The following PBX1 variants were observed in gnomAD, a reference collection of about 807,000 sequenced individuals.
The protein encoded by PBX1 is PBX homeobox 1.
Under a neutral mutation model 53.4 loss-of-function variants are expected in PBX1, and 6 were observed. The observed-to-expected ratio is 0.11, with a 90% CI of 0.06 to 0.22. The LOEUF is 0.22. Ranked by LOEUF, PBX1 falls within the 10% of genes least tolerant of loss-of-function variation. PBX1 has a pLI of 1.00. For missense variants in PBX1, 251 were observed against 551.4 expected (o/e 0.46, Z 5.46); for synonymous variants, 204 against 212.3 (o/e 0.96, Z 0.34).
At chr1:164,721,211 G>A (rs573793633) in intron 2 of PBX1, among the ~76,000 whole-genome samples, 13 of 152,220 alleles carry the variant, frequency 8.5e-5, no homozygotes, top group Non-Finnish European at 1.9e-4. Flanking sequence ...TTCTAGTCAT[G>A]CTTTGTGGTG....
At chr1:164,603,124 C>T (rs1395430495) in intron 2 of PBX1, among the ~76,000 whole-genome samples, 2 of 152,036 alleles carry the variant, frequency 1.3e-5, no homozygotes, top group African/African-American at 4.8e-5. Flanking sequence ...CTGAAAGTAA[C>T]CATGAGGAAC....
Position 164,848,391 on chromosome 1 carries a change from A to T in PBX1, c.*1715A>T. The T allele has an allele frequency of 1.9e-6, 2 of 1,055,388 alleles. No homozygotes were observed. The highest frequency in any genetic ancestry group is 2.3e-6 in the Non-Finnish European group (2 of 873,056). 65.4% of individuals were successfully genotyped at this position (1,055,388 alleles called of 1,614,324 possible). A position where few individuals can be genotyped will look rare whatever the true frequency, so the allele number is the denominator to read the frequency against. On this transcript the variant is annotated 3_prime_UTR_variant, in exon 9 of 9. Coordinates refer to ENST00000420696, the MANE Select transcript of PBX1 (RefSeq NM_002585.4). ...GGGAACTGTTATGCCTGGCTTACTA[A>T]GAGTCTTGTGAGAGACTGAGAAGTT...
At chr1:164,867,721 T>A (rs1672251997) in intron 2 of PBX1, among the ~76,000 whole-genome samples, 1 of 152,230 alleles carries the variant, frequency 6.6e-6, no homozygotes, top group African/African-American at 2.4e-5. Context: ...AGATGAGGTT[T>A]CAGTCACCGC....
At chr1:164,700,403 T>C in intron 2 of PBX1, 2 of 958,032 alleles carry the variant, frequency 2.1e-6, no homozygotes, top group Non-Finnish European at 2.5e-6. Flanking sequence ...GGTTCTGTTA[T>C]TTCTCCATTG....
chr1:164,727,266 A>G (rs1664747466), intron 2 of PBX1, among the ~76,000 whole-genome samples: 1 of 152,214 alleles, frequency 6.6e-6, no homozygotes, highest in Admixed American at 6.5e-5. Flanking sequence ...TGATCTAAGA[A>G]AATCTCTACA....
At chr1:164,683,058 A>T (rs1293533848) in intron 2 of PBX1, 1 of 152,224 alleles carries the variant, frequency 6.6e-6, no homozygotes, top group East Asian at 1.9e-4. Flanking sequence ...GAGAGTGGTG[A>T]TTCTACAACC....
intron 2 of PBX1, chr1:164,651,930 G>GGTGTGT (rs57772161): frequency 0.14 from 20,669 of 143,946 alleles, 1,596 homozygotes; most frequent in East Asian, 0.2. Context: ...ATGGAGGGAG[G>GGTGTGT]GTGTGTGTGT....
chr1:164,732,662 G>A (rs1665060620), intron 2 of PBX1, among the ~76,000 whole-genome samples: 3 of 151,828 alleles, frequency 2.0e-5, no homozygotes, highest in African/African-American at 2.4e-5. Context: ...TCCTTTCTCA[G>A]TAAGAATCTC....
intron 8 of PBX1, among the ~76,000 whole-genome samples, chr1:164,835,211 T>C (rs952101355): frequency 6.6e-6 from 1 of 151,016 alleles, no homozygotes; most frequent in Non-Finnish European, 1.5e-5. Context: ...ATTTATACTA[T>C]AGAACATTTA....
intron 2 of PBX1, among the ~76,000 whole-genome samples, chr1:164,712,914 A>G (rs1031695999): frequency 6.6e-6 from 1 of 152,050 alleles, no homozygotes; most frequent in African/African-American, 2.4e-5. Context: ...GTCTAAATCC[A>G]TTTTGCCTGG....
chr1:164,858,067 T>C (rs1229775618), intron 2 of PBX1, among the ~76,000 whole-genome samples: 1 of 152,162 alleles, frequency 6.6e-6, no homozygotes, highest in Non-Finnish European at 1.5e-5. Flanking sequence ...TTTTCTTTCT[T>C]TTATATCAAG....
At chr1:164,619,999 C>G (rs1158929059) in intron 2 of PBX1, among the ~76,000 whole-genome samples, 1 of 152,082 alleles carries the variant, frequency 6.6e-6, no homozygotes, top group Non-Finnish European at 1.5e-5. Flanking sequence ...TTGAGACCAG[C>G]CTGGTCAACA....
chr1:164,752,595 TG>T (rs1300454164), intron 2 of PBX1, among the ~76,000 whole-genome samples: 1 of 152,218 alleles, frequency 6.6e-6, no homozygotes. Flanking sequence ...CAGTGTCTTT[TG>T]GTGTATTAGG....
rs1047474506 is a variant in PBX1, at chr1:164,796,566, A to G, written c.511-3133A>G. Among the ~76,000 whole-genome samples, 20 of 152,200 alleles carry G rather than the reference A, an allele frequency of 1.3e-4. 1 individual carries two copies. The highest frequency in any genetic ancestry group is 1.2e-3 in the Admixed American group (19 of 15,286). ...TTGATGAGATTGGCAGCCAAATCCAATCTCATCCTTGGATCTCAATCCAAT... is the reference window on the plus strand; with the variant it reads ...TTGATGAGATTGGCAGCCAAATCCAGTCTCATCCTTGGATCTCAATCCAAT... On this transcript the variant is annotated intron_variant, in intron 3 of 8. Coordinates refer to ENST00000420696, the MANE Select transcript of PBX1 (RefSeq NM_002585.4).
intron 2 of PBX1, among the ~76,000 whole-genome samples, chr1:164,725,533 C>T (rs904686196): frequency 4.6e-5 from 7 of 152,022 alleles, no homozygotes; most frequent in South Asian, 4.1e-4. Flanking sequence ...TCTTCTCTAA[C>T]GCCTTTCTGC....
At chr1:164,626,687 T>C (rs1043243718) in intron 2 of PBX1, among the ~76,000 whole-genome samples, 1 of 152,202 alleles carries the variant, frequency 6.6e-6, no homozygotes, top group East Asian at 1.9e-4. Context: ...AACTGGAGTG[T>C]AGAGAATGGG....
At chr1:164,689,726 C>T (rs1662349758) in intron 2 of PBX1, among the ~76,000 whole-genome samples, 1 of 152,122 alleles carries the variant, frequency 6.6e-6, no homozygotes, top group Non-Finnish European at 1.5e-5. Flanking sequence ...GACAATATTC[C>T]TTCATTGATT....
chr1:164,841,088 G>T (rs1019027089), intron 8 of PBX1, among the ~76,000 whole-genome samples: 1 of 152,174 alleles, frequency 6.6e-6, no homozygotes, highest in Non-Finnish European at 1.5e-5. Context: ...TGAAACCGAC[G>T]TGTGAAGGAA....
chr1:164,809,445 T>C (rs1374096296), intron 5 of PBX1, among the ~76,000 whole-genome samples: 1 of 152,172 alleles, frequency 6.6e-6, no homozygotes, highest in Non-Finnish European at 1.5e-5. Context: ...TAAGCTACCA[T>C]TGCTAAACAA....
Sources: gnomAD v4.1 joint callset for allele counts (sites outside exome capture counted in the v4.1 genomes callset) on GRCh38, gnomAD v4.1.1 for gene constraint, MANE v1.5 for transcripts, NCBI Gene and HGNC (gene_info 2026-07-23, HGNC 2026-07-21) for gene names.